The following CRY1 variants were observed in gnomAD, a reference collection of about 807,000 sequenced individuals.
CRY1 encodes the protein cryptochrome-1.
Under a neutral mutation model 76.0 loss-of-function variants are expected in CRY1, and 45 were observed. That is an observed-to-expected ratio of 0.59 (90% CI 0.47 to 0.76). The LOEUF is 0.76. Ranked by LOEUF, CRY1 falls within the 30% of genes least tolerant of loss-of-function variation. The probability of loss-of-function intolerance (pLI) is 0.00; values close to 1 mark genes in which losing one functional copy is unlikely to be tolerated. For synonymous variants in CRY1, 248 were observed against 244.0 expected (o/e 1.02, Z -0.15); for missense variants, 587 against 716.4 (o/e 0.82, Z 2.06).
At chr12:107,023,047 T>C (rs1952575331) in intron 1 of CRY1, among the ~76,000 whole-genome samples, 1 of 152,136 alleles carries the variant, frequency 6.6e-6, no homozygotes, top group African/African-American at 2.4e-5. Flanking sequence ...ATGTCACCCA[T>C]GGAAGGTCCA....
chr12:107,088,622 T>C (rs150790874), intron 1 of CRY1, among the ~76,000 whole-genome samples: 2 of 152,338 alleles, frequency 1.3e-5, no homozygotes, highest in East Asian at 1.9e-4. Flanking sequence ...CTTCCAAAAC[T>C]GTGAGAAATA....
chr12:107,063,877 A>G (rs1953079332), intron 1 of CRY1, among the ~76,000 whole-genome samples: 1 of 152,166 alleles, frequency 6.6e-6, no homozygotes, highest in Admixed American at 6.6e-5. Flanking sequence ...GGATTAAGGC[A>G]TGAGCCACTG....
chr12:107,077,044 C>T (rs957371674), intron 1 of CRY1, among the ~76,000 whole-genome samples: 2 of 152,080 alleles, frequency 1.3e-5, no homozygotes, highest in African/African-American at 4.8e-5. Context: ...TTATATATAA[C>T]TCAGTCTCAG....
intron 1 of CRY1, among the ~76,000 whole-genome samples, chr12:107,033,986 C>A (rs1952705849): frequency 6.6e-6 from 1 of 151,344 alleles, no homozygotes; most frequent in African/African-American, 2.4e-5. Context: ...TAAATAGGGC[C>A]TTGGTAAAAT....
chr12:107,060,251 G>A (rs1341504249), intron 1 of CRY1, among the ~76,000 whole-genome samples: 4 of 152,298 alleles, frequency 2.6e-5, no homozygotes, highest in South Asian at 2.1e-4. Context: ...ATGCAACAAC[G>A]TTCAGAAGTG....
At chr12:107,000,273 C>T (rs1391420788) in intron 5 of CRY1, among the ~76,000 whole-genome samples, 191 bp from the exon 6 acceptor site, 1 of 152,076 alleles carries the variant, frequency 6.6e-6, no homozygotes, top group Non-Finnish European at 1.5e-5. Flanking sequence ...TTTCAGTCGT[C>T]CTTGTGCAGC....
intron 1 of CRY1, among the ~76,000 whole-genome samples, chr12:107,030,650 C>T (rs774895385): frequency 1.5e-4 from 23 of 152,006 alleles, no homozygotes; most frequent in Non-Finnish European, 2.4e-4. Context: ...CAGGAAGGGA[C>T]ACTAAATAAC....
chr12:107,005,624 T>C (rs1952364777), intron 2 of CRY1, among the ~76,000 whole-genome samples: 1 of 152,198 alleles, frequency 6.6e-6, no homozygotes, highest in Admixed American at 6.5e-5. Flanking sequence ...GAGATAAGTT[T>C]ATTTTTAAAA....
chr12:107,085,627 G>T (rs74873397), intron 1 of CRY1, among the ~76,000 whole-genome samples: 1 of 152,064 alleles, frequency 6.6e-6, no homozygotes, highest in South Asian at 2.1e-4. Context: ...ACATGGACAC[G>T]GGGAGGGGAA....
intron 1 of CRY1, among the ~76,000 whole-genome samples, chr12:107,080,236 G>A (rs545946689): frequency 6.6e-6 from 1 of 152,130 alleles, no homozygotes; most frequent in East Asian, 1.9e-4. Flanking sequence ...ACTCAGTTTG[G>A]GGTTTGTTTG....
rs140329323 is a variant in CRY1 at position 106,997,370 on chromosome 12, T to C, written c.1509A>G (p.Val503=). 5.3e-5 allele frequency: 85 copies of C among 1,613,964 alleles called. No homozygotes were observed. The African/African-American group carries it at 1.0e-3, about 19-fold the overall frequency. ...CTCCATTCCCATTAGGATTAGAAGGTACTGATGCCAGAAGACCTAAAGGAC... is the reference window on the plus strand; with the variant it reads ...CTCCATTCCCATTAGGATTAGAAGGCACTGATGCCAGAAGACCTAAAGGAC... ...RYRGLGLLAS[V]PSNPNGNGGF... is the part of the protein sequence containing the mutation. Residue 503 remains valine, a synonymous_variant, in exon 10 of 13, where the codon GTA becomes GTG. Transcript: ENST00000008527.
chr12:107,025,612 C>T (rs1388487490), intron 1 of CRY1, among the ~76,000 whole-genome samples: 1 of 152,112 alleles, frequency 6.6e-6, no homozygotes, highest in African/African-American at 2.4e-5. Context: ...CTTTCCACTT[C>T]TGTTTTTGCT....
chr12:107,085,351 G>A (rs531116196), intron 1 of CRY1, among the ~76,000 whole-genome samples: 21 of 152,288 alleles, frequency 1.4e-4, no homozygotes, highest in African/African-American at 4.8e-4. Flanking sequence ...CTACTATAAT[G>A]ACACAGGCAC....
At chr12:107,029,431 A>G (rs1952652466) in intron 1 of CRY1, among the ~76,000 whole-genome samples, 1 of 151,958 alleles carries the variant, frequency 6.6e-6, no homozygotes, top group African/African-American at 2.4e-5. Context: ...ATCTCTACAA[A>G]AAGTACAAAA....
Position 107,092,814 on chromosome 12 carries a change from TGATG to T in CRY1, c.144_147del (p.Ile49ThrfsTer20). 6.2e-7 allele frequency: 1 copy of T among 1,611,710 alleles called. No individual in the cohort carries two copies. The highest frequency in any genetic ancestry group is 1.1e-5 in the South Asian group (1 of 90,818). On this transcript the variant is annotated frameshift_variant, in exon 1 of 13. Transcript: ENST00000008527. LOFTEE classifies it high-confidence loss of function. ...GGGCTTGTGACTCACCGCCACCTGT[TGATG>T]CCCACATTGGAGGAGCCGGCGAACC...
At chr12:107,089,503 CTT>C (rs77964218) in intron 1 of CRY1, among the ~76,000 whole-genome samples, 1 of 147,248 alleles carries the variant, frequency 6.8e-6, no homozygotes, top group African/African-American at 2.5e-5. Context: ...CTCTGCCAAA[CTT>C]TTTTTTTTTA....
At chr12:107,076,624 A>G (rs1292038421) in intron 1 of CRY1, among the ~76,000 whole-genome samples, 1 of 151,926 alleles carries the variant, frequency 6.6e-6, no homozygotes, top group East Asian at 1.9e-4. Context: ...CAAAGAAAAA[A>G]AAAAAAAAAA....
intron 1 of CRY1, among the ~76,000 whole-genome samples, chr12:107,028,761 T>C (rs914933548): frequency 1.3e-5 from 2 of 152,172 alleles, no homozygotes; most frequent in African/African-American, 2.4e-5. Flanking sequence ...ACTAACACAG[T>C]TGTGTTACTG....
intron 1 of CRY1, among the ~76,000 whole-genome samples, chr12:107,084,409 TC>T (rs1953369579): frequency 6.6e-6 from 1 of 152,148 alleles, no homozygotes; most frequent in South Asian, 2.1e-4. Context: ...GCTGGAAGCA[TC>T]ATGCTACCTG....
Sources: gnomAD v4.1 joint callset for allele counts (sites outside exome capture counted in the v4.1 genomes callset) on GRCh38, gnomAD v4.1.1 for gene constraint, MANE v1.5 for transcripts, NCBI Gene and HGNC (gene_info 2026-07-23, HGNC 2026-07-21) for gene names.